C2orf76: variants seen among roughly 807,000 people sequenced by gnomAD.
The protein encoded by C2orf76 is UPF0538 protein C2orf76.
Under a neutral mutation model 16.9 loss-of-function variants are expected in C2orf76, and 23 were observed. The observed-to-expected ratio is 1.36, with a 90% CI of 0.98 to 1.93. C2orf76 has a LOEUF of 1.93. Among genes scored for constraint, C2orf76 ranks in the 30% most tolerant of loss-of-function variants. The probability of loss-of-function intolerance (pLI) is 0.00; values close to 1 mark genes in which losing one functional copy is unlikely to be tolerated. For synonymous variants in C2orf76, 48 were observed against 52.3 expected (o/e 0.92, Z 0.35); for missense variants, 152 against 152.6 (o/e 1.00, Z 0.02).
At chr2:119,313,405 T>G (rs1254752974) in intron 4 of C2orf76, among the ~76,000 whole-genome samples, 1 of 151,728 alleles carries the variant, frequency 6.6e-6, no homozygotes, top group Non-Finnish European at 1.5e-5. Context: ...CTGAGCAAGA[T>G]AGCAAGACCC....
chr2:119,324,095 T>C (rs954679139), intron 2 of C2orf76, among the ~76,000 whole-genome samples: 2 of 152,238 alleles, frequency 1.3e-5, no homozygotes, highest in African/African-American at 2.4e-5. Context: ...ATTTAATGTA[T>C]TGACATTTAT....
chr2:119,305,133 A>T (rs1347907783), intron 5 of C2orf76, among the ~76,000 whole-genome samples: 3 of 152,248 alleles, frequency 2.0e-5, no homozygotes, highest in Admixed American at 2.0e-4. Context: ...CTGCCACTTC[A>T]TCCCTTCGTC....
chr2:119,340,498 T>C (rs537515366), intron 1 of C2orf76: 1 of 152,748 alleles, frequency 6.5e-6, no homozygotes, highest in South Asian at 2.1e-4. Flanking sequence ...AAGCTGAGTA[T>C]GTATAGTTCA....
At chr2:119,342,035 CAAG>C (rs1266944833) in intron 1 of C2orf76, among the ~76,000 whole-genome samples, 1 of 152,074 alleles carries the variant, frequency 6.6e-6, no homozygotes, top group Non-Finnish European at 1.5e-5. Flanking sequence ...CATATATATA[CAAG>C]GAGGAACCAT....
At chr2:119,356,902 T>A (rs545574439) in intron 1 of C2orf76, among the ~76,000 whole-genome samples, 1 of 152,110 alleles carries the variant, frequency 6.6e-6, no homozygotes, top group East Asian at 1.9e-4. Flanking sequence ...ACAGACAAAA[T>A]GGACCAATTT....
chr2:119,331,702 T>C (rs898881075), intron 2 of C2orf76, among the ~76,000 whole-genome samples: 1 of 152,196 alleles, frequency 6.6e-6, no homozygotes, highest in African/African-American at 2.4e-5. Context: ...GGGGTCACCA[T>C]GTCTGTTTCC....
At chr2:119,309,666 C>G (rs1164327634) in intron 5 of C2orf76, among the ~76,000 whole-genome samples, 1 of 152,044 alleles carries the variant, frequency 6.6e-6, no homozygotes. Context: ...GTGATCCTCC[C>G]CGCCTTAGCC....
rs1344357904 is a variant in C2orf76, at chr2:119,350,076, G to GC, written c.-12-10106dup. On this transcript the variant is annotated intron_variant, in intron 1 of 5. Transcript: ENST00000334816. ...CCACGCCCCGCCCACACCGCCCCCC[G>GC]CCCCCCCACCGTCCCGCGTAAGTGT... Among the ~76,000 whole-genome samples, 20 of 32,876 alleles carry GC rather than the reference G, an allele frequency of 6.1e-4. 3 individuals carry two copies. Among genetic ancestry groups the GC allele is most frequent in the South Asian group, 5.9e-3 (5 of 850 alleles). 21.6% of individuals were successfully genotyped at this position (32,876 alleles called of 152,430 possible).
At chr2:119,285,250 A>G in the C2orf76 span, among the ~76,000 whole-genome samples, 1 of 152,258 alleles carries the variant, frequency 6.6e-6, no homozygotes, top group South Asian at 2.1e-4. Flanking sequence ...CTGACATTTT[A>G]TTTAACATGA....
At chr2:119,335,824 C>T (rs1573656401) in intron 2 of C2orf76, among the ~76,000 whole-genome samples, 1 of 152,136 alleles carries the variant, frequency 6.6e-6, no homozygotes. Flanking sequence ...TCTCAAAAAT[C>T]CATAAGCCCA....
chr2:119,309,127 A>G (rs529998111), intron 5 of C2orf76, among the ~76,000 whole-genome samples: 317 of 152,290 alleles, frequency 2.1e-3, no homozygotes, highest in Non-Finnish European at 3.4e-3. Context: ...TCCTGGCCTC[A>G]GGCGATCCAC....
intron 1 of C2orf76, among the ~76,000 whole-genome samples, chr2:119,358,577 C>CAAAA (rs58374459): frequency 1.1e-5 from 1 of 88,344 alleles, no homozygotes; most frequent in Non-Finnish European, 2.2e-5. Flanking sequence ...GACTCTGTCT[C>CAAAA]AAAAAAAAAA....
the C2orf76 span, among the ~76,000 whole-genome samples, chr2:119,296,107 C>T: frequency 6.6e-6 from 1 of 152,134 alleles, no homozygotes; most frequent in Non-Finnish European, 1.5e-5. Context: ...TGACAAATGT[C>T]GTGCCTTCCT....
chr2:119,288,006 G>C, the C2orf76 span, among the ~76,000 whole-genome samples: 3 of 152,064 alleles, frequency 2.0e-5, no homozygotes, highest in African/African-American at 7.2e-5. Flanking sequence ...ATGACAGAGG[G>C]GCAGAGAGGG....
At chr2:119,294,599 T>C in the C2orf76 span, among the ~76,000 whole-genome samples, 1 of 152,020 alleles carries the variant, frequency 6.6e-6, no homozygotes, top group African/African-American at 2.4e-5. Flanking sequence ...GTGAGGGACA[T>C]GTCCGGGAGC....
intron 1 of C2orf76, among the ~76,000 whole-genome samples, chr2:119,361,794 A>G (rs13394483): frequency 0.037 from 5,640 of 152,216 alleles, 355 homozygotes; most frequent in African/African-American, 0.12. Flanking sequence ...AGGGACTACT[A>G]TATTTTTTAT....
chr2:119,285,087 A>C, the C2orf76 span, among the ~76,000 whole-genome samples: 1 of 152,220 alleles, frequency 6.6e-6, no homozygotes, highest in African/African-American at 2.4e-5. Context: ...TTTCATTCTT[A>C]GGTTGACTTA....
At chr2:119,362,245 TAATC>T (rs1281298993) in intron 1 of C2orf76, among the ~76,000 whole-genome samples, 2 of 152,248 alleles carry the variant, frequency 1.3e-5, no homozygotes, top group South Asian at 2.1e-4. Context: ...TAAAATGTGT[TAATC>T]AACTGTTTGT....
rs574431347 is a variant in C2orf76, at chr2:119,303,113, A to T, written c.305-565T>A. Among the ~76,000 whole-genome samples the T allele has an allele frequency of 1.3e-3, 201 of 152,334 alleles. No individual in the cohort carries two copies. In the Middle Eastern group the frequency reaches 0.014, roughly 10 times the overall value. ...TATGATTAATTCATGCGGCTTCAAC[A>T]ATATGCAAAGTGAAAGACACAAATT... On this transcript the variant is annotated intron_variant, in intron 5 of 5. Transcript: ENST00000334816.
Sources: allele counts gnomAD v4.1 joint callset (sites outside exome capture counted in the v4.1 genomes callset), GRCh38; gene constraint gnomAD v4.1.1; transcripts MANE v1.5; gene names NCBI Gene and HGNC (gene_info 2026-07-23, HGNC 2026-07-21).